The following ARL15 variants were observed in gnomAD, a reference collection of about 807,000 sequenced individuals.
ARL15 encodes ADP-ribosylation factor-like protein 15.
In ARL15, 19 loss-of-function variants were observed where a neutral mutation model predicts 25.2. The observed-to-expected ratio is 0.75, with a 90% CI of 0.53 to 1.10. ARL15 has a LOEUF of 1.10. Among genes scored for constraint, ARL15 ranks in the 50% least tolerant of loss-of-function variants. The pLI, the probability that ARL15 is intolerant of heterozygous loss-of-function variation, is 0.00. For missense variants in ARL15, 220 were observed against 246.0 expected, an observed-to-expected ratio of 0.89 and a Z score of 0.71; for synonymous variants, 94 against 86.8, an observed-to-expected ratio of 1.08 and a Z score of -0.46.
chr5:54,140,910 C>T (rs191245371), intron 3 of ARL15, among the ~76,000 whole-genome samples: 5 of 152,218 alleles, frequency 3.3e-5, no homozygotes, highest in East Asian at 1.9e-4. Context: ...GAAGCAGATG[C>T]TTTCTAATAT....
At chr5:54,208,888 A>AC (rs1755952285) in intron 1 of ARL15, among the ~76,000 whole-genome samples, 1 of 152,134 alleles carries the variant, frequency 6.6e-6, no homozygotes, top group Non-Finnish European at 1.5e-5. Flanking sequence ...AGAGAATGTC[A>AC]CCAAGAAGAT....
chr5:53,991,967 C>T lies in ARL15; in HGVS notation c.463-105254G>A, dbSNP rs918410772. ...TTTCATTCTTAACCACAACTACTCACTAAAGTATGCGTACACCTTTCGGGT... is the reference window on the plus strand; with the variant it reads ...TTTCATTCTTAACCACAACTACTCATTAAAGTATGCGTACACCTTTCGGGT... On this transcript the variant is annotated intron_variant, in intron 4 of 4. Coordinates refer to ENST00000504924, the MANE Select transcript of ARL15 (RefSeq NM_019087.3). Among the ~76,000 whole-genome samples the T allele has an allele frequency of 2.5e-4, 38 of 152,204 alleles. 1 individual carries two copies. The highest frequency in any genetic ancestry group is 8.7e-4 in the African/African-American group (36 of 41,454).
chr5:54,163,356 C>T (rs1703354), intron 2 of ARL15, among the ~76,000 whole-genome samples: 43,606 of 55,592 alleles, frequency 0.78, 16,106 homozygotes, highest in East Asian at 0.87. Context: ...TGGTATGAAG[C>T]TTTTTTTTTT....
At chr5:54,112,048 C>T (rs1430540470) in intron 4 of ARL15, among the ~76,000 whole-genome samples, 4 of 152,152 alleles carry the variant, frequency 2.6e-5, no homozygotes, top group Admixed American at 1.3e-4. Flanking sequence ...AAAGGTGCTA[C>T]GTACTTAATG....
At chr5:53,935,307 C>T (rs977730110) in intron 4 of ARL15, among the ~76,000 whole-genome samples, 1 of 152,100 alleles carries the variant, frequency 6.6e-6, no homozygotes, top group Non-Finnish European at 1.5e-5. Context: ...CAGTAGCTGC[C>T]AACAAGCAGA....
chr5:54,225,734 G>A (rs997043748), intron 1 of ARL15, among the ~76,000 whole-genome samples: 2 of 152,154 alleles, frequency 1.3e-5, no homozygotes, highest in African/African-American at 4.8e-5. Context: ...CCAAAGTGAG[G>A]AGGCTGACCT....
intron 1 of ARL15, among the ~76,000 whole-genome samples, chr5:54,279,067 C>A (rs1380382833): frequency 1.3e-5 from 2 of 152,150 alleles, no homozygotes; most frequent in Non-Finnish European, 2.9e-5. Context: ...ATTAAAAGCA[C>A]CAAAAAAAAC....
chr5:54,158,022 A>T (rs538719125), intron 2 of ARL15, among the ~76,000 whole-genome samples: 1 of 152,346 alleles, frequency 6.6e-6, no homozygotes, highest in East Asian at 1.9e-4. Context: ...TCATACTTTC[A>T]GTTCACCAGA....
At chr5:54,060,546 C>G (rs1344285048) in intron 4 of ARL15, among the ~76,000 whole-genome samples, 2 of 152,212 alleles carry the variant, frequency 1.3e-5, no homozygotes, top group Non-Finnish European at 2.9e-5. Context: ...CTTGCTCCCC[C>G]TTGCCTTCCA....
chr5:54,160,126 A>G (rs1345227538), intron 2 of ARL15, among the ~76,000 whole-genome samples: 1 of 152,212 alleles, frequency 6.6e-6, no homozygotes, highest in East Asian at 1.9e-4. Flanking sequence ...GGCATGATTT[A>G]TGCCACAGCA....
intron 1 of ARL15, among the ~76,000 whole-genome samples, chr5:54,308,686 T>G (rs1160082916): frequency 6.6e-6 from 1 of 152,224 alleles, no homozygotes; most frequent in African/African-American, 2.4e-5. Context: ...CTTTAGACTA[T>G]GCCTATCTAG....
Position 53,886,610 on chromosome 5 carries a change from T to C in ARL15, c.566A>G (p.Gln189Arg). ...TTTTTCTTCTAACAAATTAATCAGCTGAGAGAAGCTGTCTTTCAGTGCATC... is the reference window on the plus strand; with the variant it reads ...TTTTTCTTCTAACAAATTAATCAGCCGAGAGAAGCTGTCTTTCAGTGCATC... ...DMDALKDSFS[Q>R]LINLLEEKDH... The change falls in exon 5 of 5, where the codon CAG becomes CGG. Residue 189 changes from glutamine to arginine, a missense_variant. Transcript: ENST00000504924. 6.4e-7 allele frequency: 1 copy of C among 1,563,962 alleles called. No individual in the cohort carries two copies.
In ARL15 at chr5:54,048,935, C is replaced by T. The variant is rs150885159; in HGVS notation, c.462+64267G>A. ...GTCAGGTGATCAAGGAGTTTTACCT[C>T]AGGTCAGTCCCATAGTGGGTACAGT... On this transcript the variant is annotated intron_variant, in intron 4 of 4. Coordinates refer to ENST00000504924, the MANE Select transcript of ARL15 (RefSeq NM_019087.3). Among the ~76,000 whole-genome samples, 272 of 152,182 alleles carry T rather than the reference C, an allele frequency of 1.8e-3. 1 individual carries two copies. The highest frequency in any genetic ancestry group is 3.3e-3 in the Non-Finnish European group (224 of 68,020).
intron 4 of ARL15, among the ~76,000 whole-genome samples, chr5:53,887,699 A>T (rs1379718076): frequency 6.6e-6 from 1 of 152,224 alleles, no homozygotes; most frequent in Non-Finnish European, 1.5e-5. Flanking sequence ...TAGTAGCAAC[A>T]TCAAAAGAGA....
chr5:54,246,995 T>C (rs1435337683), intron 1 of ARL15, among the ~76,000 whole-genome samples: 2 of 152,156 alleles, frequency 1.3e-5, no homozygotes, highest in South Asian at 4.1e-4. Flanking sequence ...ATTGGATTTA[T>C]AGCTCCTTAT....
At chr5:54,092,285 G>C (rs1339472770) in intron 4 of ARL15, among the ~76,000 whole-genome samples, 1 of 152,076 alleles carries the variant, frequency 6.6e-6, no homozygotes, top group Non-Finnish European at 1.5e-5. Flanking sequence ...GGTGATGAAA[G>C]ATGTTTTATT....
chr5:54,047,498 T>C (rs1282675192), intron 4 of ARL15, among the ~76,000 whole-genome samples: 2 of 152,112 alleles, frequency 1.3e-5, no homozygotes, highest in East Asian at 3.9e-4. Context: ...ACAACCCCTA[T>C]TACAACATCT....
chr5:54,021,115 A>C (rs1383538061), intron 4 of ARL15, among the ~76,000 whole-genome samples: 3 of 152,102 alleles, frequency 2.0e-5, no homozygotes, highest in Non-Finnish European at 2.9e-5. Context: ...GTGGGCAGAT[A>C]ACCTAAGGTC....
At chr5:54,006,181 T>G (rs1460645954) in intron 4 of ARL15, among the ~76,000 whole-genome samples, 2 of 152,190 alleles carry the variant, frequency 1.3e-5, no homozygotes, top group Admixed American at 1.3e-4. Flanking sequence ...ATGGTCTTAG[T>G]GTAAACACTG....
Sources: allele counts gnomAD v4.1 joint callset (sites outside exome capture counted in the v4.1 genomes callset), GRCh38; gene constraint gnomAD v4.1.1; transcripts MANE v1.5; gene names NCBI Gene and HGNC (gene_info 2026-07-23, HGNC 2026-07-21).